Variants in EIF2AK4 observed in about 807,000 individuals in gnomAD.
The protein encoded by EIF2AK4 is eukaryotic translation initiation factor 2 alpha kinase 4.
Under a neutral mutation model 211.1 loss-of-function variants are expected in EIF2AK4, and 139 were observed. The observed-to-expected ratio is 0.66, with a 90% CI of 0.57 to 0.76. The LOEUF is 0.76. Ranked by LOEUF, EIF2AK4 falls within the 30% of genes least tolerant of loss-of-function variation. The pLI, the probability that EIF2AK4 is intolerant of heterozygous loss-of-function variation, is 0.00. For missense variants in EIF2AK4, 1,664 were observed against 2,043.8 expected, an observed-to-expected ratio of 0.81 and a Z score of 3.58; for synonymous variants, 710 against 751.3, an observed-to-expected ratio of 0.94 and a Z score of 0.90.
At chr15:39,950,716 A>G (rs1055089355) in intron 4 of EIF2AK4, among the ~76,000 whole-genome samples, 2 of 151,754 alleles carry the variant, frequency 1.3e-5, no homozygotes, top group East Asian at 3.8e-4. Flanking sequence ...ATCCTTCTAT[A>G]TAGTTCATAA....
At chr15:40,033,178 G>A (rs538108097) in intron 37 of EIF2AK4, among the ~76,000 whole-genome samples, 12 of 152,186 alleles carry the variant, frequency 7.9e-5, no homozygotes, top group African/African-American at 2.4e-4. Flanking sequence ...TACAGAGTAC[G>A]GAAGTAGAGA....
Position 39,996,955 on chromosome 15 carries a change from C to G in EIF2AK4, c.2767-9C>G, listed in dbSNP as rs1257807123. The stretch of plus-strand genomic sequence containing the variant: ...AGGCTCTCTAAATGCAATTATTCTT[C>G]CCCCTCAGAAAGTGGATCTCTTCAG... On this transcript the variant is annotated splice_polypyrimidine_tract_variant and intron_variant, in intron 18 of 38. Transcript: ENST00000263791. The G allele has an allele frequency of 1.3e-6, 2 of 1,575,256 alleles. No homozygotes were observed. The highest frequency in any genetic ancestry group is 2.7e-5 in the African/African-American group (2 of 74,042).
intron 22 of EIF2AK4, 126 bp downstream of exon 22, chr15:40,002,914 T>C (rs2035112068): frequency 1.8e-6 from 2 of 1,133,540 alleles, no homozygotes; most frequent in Non-Finnish European, 2.5e-6. Context: ...ATTGACATCA[T>C]ATGGAATTTA....
At chr15:40,022,634 C>G in intron 32 of EIF2AK4, 29 bp downstream of exon 32, 3 of 1,605,406 alleles carry the variant, frequency 1.9e-6, no homozygotes, top group Non-Finnish European at 2.6e-6. Flanking sequence ...TTTTACAATT[C>G]AATAGTTAGG....
At chr15:39,963,917 C>T (rs1040835501) in intron 7 of EIF2AK4, among the ~76,000 whole-genome samples, 2 of 152,184 alleles carry the variant, frequency 1.3e-5, no homozygotes, top group African/African-American at 2.4e-5. Context: ...CTGCATAACA[C>T]ACAAATTTAA....
At chr15:40,022,917 T>G (rs550680660) in intron 32 of EIF2AK4, among the ~76,000 whole-genome samples, 1 of 152,260 alleles carries the variant, frequency 6.6e-6, no homozygotes, top group East Asian at 1.9e-4. Context: ...GTATTTTTAG[T>G]GGAGACGGGG....
chr15:40,028,426 G>C (rs1164486601), intron 33 of EIF2AK4, among the ~76,000 whole-genome samples: 1 of 152,116 alleles, frequency 6.6e-6, no homozygotes, highest in Non-Finnish European at 1.5e-5. Flanking sequence ...TTGCTTCCCA[G>C]GGCACATCTG....
At chr15:40,003,138 C>T in intron 22 of EIF2AK4, 55 bp from the exon 23 acceptor site, 1 of 1,593,166 alleles carries the variant, frequency 6.3e-7, no homozygotes, top group African/African-American at 1.3e-5. Flanking sequence ...TTTTAGGTTG[C>T]CTTCTAAGGA....
rs551241903 is a variant in EIF2AK4, at chr15:39,987,828, G to A, written c.2404-155G>A. Among the ~76,000 whole-genome samples the A allele has an allele frequency of 2.0e-5, 3 of 152,272 alleles. No homozygotes were observed. The South Asian group carries it at 6.2e-4, about 32-fold the overall frequency. ...TACCCCCAAGGTATTTTTTAATACT[G>A]TTGGTTTCTTTTTCGTGTAGAAAAC... On this transcript the variant is annotated intron_variant, in intron 14 of 38. Coordinates refer to ENST00000263791, the MANE Select transcript of EIF2AK4 (RefSeq NM_001013703.4).
Position 39,942,084 on chromosome 15 carries a change from A to G in EIF2AK4, c.258-1299A>G, listed in dbSNP as rs139152626. ...TAGCATCATTGATGATTTTTTCTCC[A>G]TTCTGTTAATATTGCTATATTATGA... On this transcript the variant is annotated intron_variant, in intron 2 of 38. Transcript: ENST00000263791. Among the ~76,000 whole-genome samples the G allele has an allele frequency of 6.3e-4, 96 of 152,348 alleles. 1 individual carries two copies. The highest frequency in any genetic ancestry group is 2.2e-3 in the African/African-American group (93 of 41,584).
At chr15:39,943,712 C>T (rs189296335) in intron 3 of EIF2AK4, among the ~76,000 whole-genome samples, 29 of 152,086 alleles carry the variant, frequency 1.9e-4, no homozygotes, top group Non-Finnish European at 1.3e-4. Flanking sequence ...ACTTGTAATT[C>T]CAGCACTTGG....
chr15:39,950,186 C>G (rs1464303636), intron 4 of EIF2AK4, among the ~76,000 whole-genome samples: 3 of 152,062 alleles, frequency 2.0e-5, no homozygotes, highest in Non-Finnish European at 4.4e-5. Context: ...TTTCTTTAAA[C>G]TATATGTTTA....
At chr15:40,001,266 C>G (rs753407955) in intron 21 of EIF2AK4, 42 bp downstream of exon 21, 9 of 1,584,776 alleles carry the variant, frequency 5.7e-6, no homozygotes, top group Non-Finnish European at 7.8e-6. Flanking sequence ...TTCACCTTGT[C>G]CACAAAAGGA....
At chr15:40,026,159 TAA>T (rs2035463329) in intron 33 of EIF2AK4, 70 bp downstream of exon 33, 2 of 1,407,462 alleles carry the variant, frequency 1.4e-6, no homozygotes, top group Admixed American at 1.9e-5. Context: ...AAATTTATTT[TAA>T]AAGTCAATTT....
At position 39,978,125 on chromosome 15, in the gene EIF2AK4, AG is replaced by A. The variant is rs1465263033; in HGVS notation, c.2298del (p.Asn767ThrfsTer24). The A allele has an allele frequency of 2.5e-6, 4 of 1,587,236 alleles. No homozygotes were observed. Among genetic ancestry groups the A allele is most frequent in the Non-Finnish European group, 3.4e-6 (4 of 1,161,968 alleles). On this transcript the variant is annotated frameshift_variant, in exon 13 of 39. Coordinates refer to ENST00000263791, the MANE Select transcript of EIF2AK4 (RefSeq NM_001013703.4). LOFTEE classifies it high-confidence loss of function. ...ESDIIFDNED[E>X]NSKSQNQDED... ...GATATTATCTTTGACAATGAAGATG[AG>A]AACAGTAAAAGTCAGAATCAGGTAT...
intron 32 of EIF2AK4, among the ~76,000 whole-genome samples, chr15:40,022,824 C>G (rs1051997261): frequency 6.6e-6 from 1 of 152,122 alleles, no homozygotes; most frequent in African/African-American, 2.4e-5. Flanking sequence ...AGCTCCGCCT[C>G]CCGGGTTCTC....
At chr15:39,937,935 T>G (rs1283164788) in intron 1 of EIF2AK4, among the ~76,000 whole-genome samples, 2 of 152,242 alleles carry the variant, frequency 1.3e-5, no homozygotes, top group Non-Finnish European at 2.9e-5. Context: ...AATTCTCAAA[T>G]GTATTTCAAG....
At chr15:39,956,330 C>T (rs1321388295) in intron 6 of EIF2AK4, among the ~76,000 whole-genome samples, 3 of 152,194 alleles carry the variant, frequency 2.0e-5, no homozygotes, top group African/African-American at 7.2e-5. Flanking sequence ...CAGCCTATAA[C>T]ACATCACAAA....
chr15:40,029,086 G>A (rs1345363780), intron 33 of EIF2AK4, among the ~76,000 whole-genome samples: 2 of 152,148 alleles, frequency 1.3e-5, no homozygotes, highest in African/African-American at 2.4e-5. Flanking sequence ...TATTATGAGG[G>A]GGGCGGAAAG....
Sources: allele counts gnomAD v4.1 joint callset (sites outside exome capture counted in the v4.1 genomes callset), GRCh38; gene constraint gnomAD v4.1.1; transcripts MANE v1.5; gene names NCBI Gene and HGNC (gene_info 2026-07-23, HGNC 2026-07-21).